ASXL2: variants seen among roughly 807,000 people sequenced by gnomAD.
The protein encoded by ASXL2 is putative Polycomb group protein ASXL2.
ASXL2 carries 23 observed loss-of-function variants against 122.0 expected under a neutral mutation model. The ratio of observed to expected loss-of-function variants is 0.19; its 90% CI spans 0.14 to 0.27. The LOEUF (loss-of-function observed/expected upper bound fraction) is 0.27. ASXL2 is among the 10% of genes least tolerant of loss of function. The probability of loss-of-function intolerance (pLI) is 1.00; values close to 1 mark genes in which losing one functional copy is unlikely to be tolerated. For synonymous variants in ASXL2, 650 were observed against 637.0 expected (o/e 1.02, Z -0.31); for missense variants, 1,518 against 1,713.8 (o/e 0.89, Z 2.02).
In ASXL2 at chr2:25,737,562, T is replaced by C. The variant is rs2087756963; in HGVS notation, c.*4467A>G. 6.6e-6 allele frequency: 1 copy of C among 152,140 alleles called. No homozygotes were observed. Among genetic ancestry groups the C allele is most frequent in the Admixed American group, 6.5e-5 (1 of 15,270 alleles). The allele number at this position is 152,140 out of a possible 1,614,324, so 9.4% of individuals were successfully genotyped here. ...TTTATCACCAAGTTCCTCATTTTACTCTCTTCCATACAATCTGTGGGAACC... is the reference window on the plus strand; with the variant it reads ...TTTATCACCAAGTTCCTCATTTTACCCTCTTCCATACAATCTGTGGGAACC... On this transcript the variant is annotated 3_prime_UTR_variant, in exon 13 of 13. Transcript: ENST00000435504.
At chr2:25,782,986 G>A (rs529598562) in intron 5 of ASXL2, among the ~76,000 whole-genome samples, 2 of 152,010 alleles carry the variant, frequency 1.3e-5, no homozygotes, top group South Asian at 4.2e-4. Context: ...AAAATTAGCC[G>A]GGCATGGTGG....
At chr2:25,796,817 C>T (rs1318329291) in intron 5 of ASXL2, among the ~76,000 whole-genome samples, 2 of 152,098 alleles carry the variant, frequency 1.3e-5, no homozygotes, top group African/African-American at 4.8e-5. Context: ...GGTGTGGTAG[C>T]CACTATCCTC....
Position 25,759,272 on chromosome 2 carries a change from C to T in ASXL2, c.939+210G>A, listed in dbSNP as rs140599785. 7.4e-4 allele frequency among the ~76,000 whole-genome samples: 112 copies of T among 152,200 alleles called. 2 individuals carry two copies. In the East Asian group the frequency reaches 0.021, roughly 28 times the overall value. Reference sequence around the variant, plus strand: ...GTCTGGCTTCCTCCTCACCTTCATTCTATGGATGCTTACATCCTAATACAG... The same window carrying T: ...GTCTGGCTTCCTCCTCACCTTCATTTTATGGATGCTTACATCCTAATACAG... On this transcript the variant is annotated intron_variant, in intron 9 of 12. Coordinates refer to ENST00000435504, the MANE Select transcript of ASXL2 (RefSeq NM_018263.6).
At chr2:25,859,130 A>AG (rs2089817263) in intron 1 of ASXL2, among the ~76,000 whole-genome samples, 1 of 151,434 alleles carries the variant, frequency 6.6e-6, no homozygotes, top group Admixed American at 6.6e-5. Context: ...TTTTTGAGAC[A>AG]GGGTTTTGCT....
At position 25,743,026 on chromosome 2, in the gene ASXL2, T is replaced by C. The variant is rs745407010; in HGVS notation, c.3311A>G (p.Gln1104Arg). 2 of 1,613,928 alleles carry C rather than the reference T, an allele frequency of 1.2e-6. No homozygotes were observed. The highest frequency in any genetic ancestry group is 2.7e-5 in the African/African-American group (2 of 74,930). ...GFQLEDISTS[Q>R]RFMLGFAGRR... Reference sequence around the variant, plus strand: ...GCCAGCAAAACCCAGCATGAACCTCTGGCTTGTGGAGATGTCTTCCAGCTG... The same window carrying C: ...GCCAGCAAAACCCAGCATGAACCTCCGGCTTGTGGAGATGTCTTCCAGCTG... The change falls in exon 13 of 13, where the codon CAG (glutamine) becomes CGG (arginine). Residue 1104 changes from glutamine (Q) to arginine (R), a missense_variant. Coordinates refer to ENST00000435504, the MANE Select transcript of ASXL2 (RefSeq NM_018263.6).
At chr2:25,864,622 C>T (rs1254294533) in intron 1 of ASXL2, among the ~76,000 whole-genome samples, 1 of 151,666 alleles carries the variant, frequency 6.6e-6, no homozygotes, top group Non-Finnish European at 1.5e-5. Flanking sequence ...TACTTAATCA[C>T]AGAAAACATC....
In ASXL2 at chr2:25,740,989, T is replaced by A. The variant is rs948921636; in HGVS notation, c.*1040A>T. 2 of 193,308 alleles carry A rather than the reference T, an allele frequency of 1.0e-5. No individual in the cohort carries two copies. Among genetic ancestry groups the A allele is most frequent in the African/African-American group, 2.3e-5 (1 of 43,082 alleles). The allele number at this position is 193,308 out of a possible 1,614,324, so 12.0% of individuals were successfully genotyped here. ...GACTATCTAGCACTAGGTTAACAGG[T>A]TGGGAGAGAAGAGGAAAAGAGAAGC... On this transcript the variant is annotated 3_prime_UTR_variant, in exon 13 of 13. Coordinates refer to ENST00000435504, the MANE Select transcript of ASXL2 (RefSeq NM_018263.6).
rs140403217 is a variant in ASXL2, at chr2:25,744,826, T to C, written c.1861-350A>G. ...TGCATTTTTAAAAAGTGTATTTATG[T>C]TTGAGAAAGAAGAGAAAAGCAAGCA... On this transcript the variant is annotated intron_variant, in intron 12 of 12. Transcript: ENST00000435504. The surrounding 1 kb of genome is among the most constrained non-coding windows in gnomAD (Gnocchi z 4.7). Among the ~76,000 whole-genome samples the C allele has an allele frequency of 2.0e-5, 3 of 152,272 alleles. No individual in the cohort carries two copies. Among genetic ancestry groups the C allele is most frequent in the African/African-American group, 7.2e-5 (3 of 41,550 alleles).
intron 3 of ASXL2, among the ~76,000 whole-genome samples, chr2:25,824,053 G>C (rs1264085603): frequency 6.6e-6 from 1 of 152,146 alleles, no homozygotes; most frequent in Non-Finnish European, 1.5e-5. Flanking sequence ...AAAGTGTTGT[G>C]ATTTGATTGA....
intron 12 of ASXL2, among the ~76,000 whole-genome samples, chr2:25,747,479 T>C (rs1198020134): frequency 2.0e-5 from 3 of 152,156 alleles, no homozygotes; most frequent in African/African-American, 7.2e-5. Context: ...TCTGGAGAAG[T>C]CTTTTTTGAG....
intron 3 of ASXL2, among the ~76,000 whole-genome samples, chr2:25,819,740 T>C (rs907730044): frequency 6.6e-6 from 1 of 152,186 alleles, no homozygotes; most frequent in African/African-American, 2.4e-5. Context: ...AAATACAACA[T>C]GTGATCCTGG....
chr2:25,817,938 A>G (rs2089257728), intron 3 of ASXL2, among the ~76,000 whole-genome samples: 2 of 152,202 alleles, frequency 1.3e-5, no homozygotes, highest in South Asian at 4.1e-4. Flanking sequence ...GTGGTTTTAG[A>G]ATGAGTATAT....
At chr2:25,875,600 TATCAC>T (rs1163670458) in intron 1 of ASXL2, among the ~76,000 whole-genome samples, 1 of 152,194 alleles carries the variant, frequency 6.6e-6, no homozygotes, top group African/African-American at 2.4e-5. Flanking sequence ...ATCATCCCAG[TATCAC>T]ATATCTACAT....
rs143644679 is a variant in ASXL2, at chr2:25,805,425, T to C, written c.252+804A>G. Among the ~76,000 whole-genome samples, 380 of 152,276 alleles carry C rather than the reference T, an allele frequency of 2.5e-3. 2 individuals carry two copies. The highest frequency in any genetic ancestry group is 8.6e-3 in the African/African-American group (356 of 41,564). On this transcript the variant is annotated intron_variant, in intron 4 of 12. Coordinates refer to ENST00000435504, the MANE Select transcript of ASXL2 (RefSeq NM_018263.6). Reference sequence around the variant, plus strand: ...AGAATTTCAGGTATATAATAGTCTATAGAAAAATATACATTTTCCTAATTG... The same window carrying C: ...AGAATTTCAGGTATATAATAGTCTACAGAAAAATATACATTTTCCTAATTG...
chr2:25,777,487 T>A (rs1451487784), intron 5 of ASXL2, among the ~76,000 whole-genome samples: 1 of 151,888 alleles, frequency 6.6e-6, no homozygotes, highest in Non-Finnish European at 1.5e-5. Flanking sequence ...AAAAAAAAAT[T>A]TTTTAATTAG....
chr2:25,776,626 C>T (rs1294841474), intron 5 of ASXL2, among the ~76,000 whole-genome samples: 1 of 152,206 alleles, frequency 6.6e-6, no homozygotes, highest in Non-Finnish European at 1.5e-5. Context: ...CAGGAATGTA[C>T]AAGGCCACTT....
At chr2:25,804,163 G>C (rs906607487) in intron 4 of ASXL2, among the ~76,000 whole-genome samples, 2 of 152,134 alleles carry the variant, frequency 1.3e-5, no homozygotes, top group Non-Finnish European at 2.9e-5. Flanking sequence ...TGGGTAGGTA[G>C]GTTAGATCTT....
chr2:25,754,221 A>G (rs953261107), intron 10 of ASXL2, among the ~76,000 whole-genome samples: 1 of 152,202 alleles, frequency 6.6e-6, no homozygotes, highest in African/African-American at 2.4e-5. Flanking sequence ...CAACATGCCA[A>G]AGACCCAGCT....
Position 25,742,243 on chromosome 2 carries a change from G to GTGAC in ASXL2, c.4090_4093dup (p.Thr1365SerfsTer7). 1 of 1,614,016 alleles carries GTGAC rather than the reference G, an allele frequency of 6.2e-7. No individual in the cohort carries two copies. On this transcript the variant is annotated frameshift_variant, in exon 13 of 13. Coordinates refer to ENST00000435504, the MANE Select transcript of ASXL2 (RefSeq NM_018263.6). LOFTEE classifies it high-confidence loss of function. ...CATAGCTTGGCTAGCAGGGATGGTAGTGACAGTCACTGAAAATGACATGAC... is the reference window on the plus strand; with the variant it reads ...CATAGCTTGGCTAGCAGGGATGGTAGTGACTGACAGTCACTGAAAATGACATGAC...
Sources: allele counts gnomAD v4.1 joint callset (sites outside exome capture counted in the v4.1 genomes callset), GRCh38; gene constraint gnomAD v4.1.1; non-coding constraint Gnocchi (gnomAD v3.1); transcripts MANE v1.5; gene names NCBI Gene and HGNC (gene_info 2026-07-23, HGNC 2026-07-21).